EIF4E3: variants seen among roughly 807,000 people sequenced by gnomAD.
The protein encoded by EIF4E3 is eukaryotic translation initiation factor 4E family member 3.
Under a neutral mutation model 31.7 loss-of-function variants are expected in EIF4E3, and 26 were observed. The ratio of observed to expected loss-of-function variants is 0.82; its 90% CI spans 0.60 to 1.14. The LOEUF (loss-of-function observed/expected upper bound fraction) is 1.14, where lower values mean the gene tolerates loss of function less well. Ranked by LOEUF, EIF4E3 falls within the 50% of genes most tolerant of loss-of-function variation. EIF4E3 has a pLI of 0.00. For synonymous variants in EIF4E3, 128 were observed against 107.7 expected (o/e 1.19, Z -1.17); for missense variants, 304 against 270.9 (o/e 1.12, Z -0.86).
intron 1 of EIF4E3, among the ~76,000 whole-genome samples, chr3:71,720,962 A>G (rs1242339549): frequency 6.6e-6 from 1 of 152,222 alleles, no homozygotes; most frequent in Non-Finnish European, 1.5e-5. Flanking sequence ...GATCAAATGG[A>G]AATTCCAATT....
Position 71,697,104 on chromosome 3 carries a change from C to T in EIF4E3, c.345-584G>A, listed in dbSNP as rs573879571. On this transcript the variant is annotated intron_variant, in intron 3 of 6. Coordinates refer to ENST00000425534, the MANE Select transcript of EIF4E3 (RefSeq NM_001134651.2). ...GATCGTAGCTCACTGTAGCCTTGAACTCCTGGGCTCAAGCAATCCTCCGCC... is the reference window on the plus strand; with the variant it reads ...GATCGTAGCTCACTGTAGCCTTGAATTCCTGGGCTCAAGCAATCCTCCGCC... Among the ~76,000 whole-genome samples the T allele has an allele frequency of 3.9e-5, 6 of 152,232 alleles. No homozygotes were observed. The East Asian group carries it at 1.2e-3, about 29-fold the overall frequency.
At chr3:71,731,766 T>G (rs1298855561) in intron 1 of EIF4E3, among the ~76,000 whole-genome samples, 3 of 152,228 alleles carry the variant, frequency 2.0e-5, no homozygotes, top group East Asian at 3.8e-4. Context: ...ATTACTTCTT[T>G]GTTCAAAAGC....
Position 71,696,502 on chromosome 3 carries a change from T to C in EIF4E3, c.363A>G (p.Ala121=). The C allele has an allele frequency of 6.2e-7, 1 of 1,614,172 alleles. No individual in the cohort carries two copies. Among genetic ancestry groups the C allele is most frequent in the Non-Finnish European group, 8.5e-7 (1 of 1,180,028 alleles). ...CTTTCATCTTCCATACGCCACCCTTTGCATTACTCTCCTCTTCCCTGGGCC... is the reference window on the plus strand; with the variant it reads ...CTTTCATCTTCCATACGCCACCCTTCGCATTACTCTCCTCTTCCCTGGGCC... The part of the protein sequence containing the change: ...RRPLWEEESN[A]KGGVWKMKVP... Residue 121 remains alanine, a synonymous_variant, in exon 4 of 7, where the codon GCA becomes GCG. Transcript: ENST00000425534.
chr3:71,729,384 G>C (rs1016958228), upstream of EIF4E3, among the ~76,000 whole-genome samples: 14 of 152,164 alleles, frequency 9.2e-5, no homozygotes, highest in Admixed American at 3.9e-4. Context: ...TCAACACTTT[G>C]GGAAGGGAGC....
chr3:71,754,119 A>G (rs559796169), upstream of EIF4E3: 2 of 1,422,746 alleles, frequency 1.4e-6, no homozygotes, highest in African/African-American at 1.5e-5. The surrounding 1 kb of genome is among the most constrained non-coding windows in gnomAD (Gnocchi z 5.8). Flanking sequence ...CAAGCTGGCC[A>G]CGCTCAGCCT....
intron 3 of EIF4E3, among the ~76,000 whole-genome samples, chr3:71,698,325 T>C (rs943875020): frequency 5.3e-5 from 8 of 152,216 alleles, no homozygotes; most frequent in Admixed American, 2.0e-4. Flanking sequence ...GGACAACAAA[T>C]ACAGCTGCCA....
At chr3:71,664,221 C>T in the EIF4E3 span, among the ~76,000 whole-genome samples, 20 of 152,286 alleles carry the variant, frequency 1.3e-4, no homozygotes, top group South Asian at 3.9e-3. Context: ...TGACTACATA[C>T]AAAACTTAGG....
At chr3:71,660,909 C>T in the EIF4E3 span, among the ~76,000 whole-genome samples, 4 of 152,070 alleles carry the variant, frequency 2.6e-5, no homozygotes, top group South Asian at 6.2e-4. Flanking sequence ...AGGATGAGGG[C>T]CTGGGGCTCT....
chr3:71,684,618 C>T lies in EIF4E3; in HGVS notation c.*64G>A. 1.3e-6 allele frequency: 2 copies of T among 1,595,566 alleles called. No individual in the cohort carries two copies. The highest frequency in any genetic ancestry group is 1.7e-6 in the Non-Finnish European group (2 of 1,165,326). On this transcript the variant is annotated 3_prime_UTR_variant, in exon 7 of 7. Transcript: ENST00000425534. ...TTCGGCAAGTCTTCTCTTCACTCTC[C>T]CTCCTGTTAAGACCGTTTCCAAAAC...
At chr3:71,718,442 G>C (rs1222447407) in intron 1 of EIF4E3, among the ~76,000 whole-genome samples, 1 of 152,148 alleles carries the variant, frequency 6.6e-6, no homozygotes, top group Non-Finnish European at 1.5e-5. Flanking sequence ...GTCATTCCTA[G>C]TCTATCTTAC....
At chr3:71,733,827 A>G (rs1264357668) in intron 1 of EIF4E3, among the ~76,000 whole-genome samples, 1 of 152,232 alleles carries the variant, frequency 6.6e-6, no homozygotes, top group African/African-American at 2.4e-5. Flanking sequence ...TTGATGAACA[A>G]TTAGTAAAGG....
At chr3:71,705,280 C>T (rs2049276177) in intron 2 of EIF4E3, among the ~76,000 whole-genome samples, 1 of 152,318 alleles carries the variant, frequency 6.6e-6, no homozygotes, top group South Asian at 2.1e-4. Context: ...GCCCTCATTT[C>T]CCAAGGGTTT....
intron 1 of EIF4E3, among the ~76,000 whole-genome samples, chr3:71,752,942 G>A (rs999100912): frequency 2.6e-5 from 4 of 152,112 alleles, no homozygotes; most frequent in Non-Finnish European, 4.4e-5. Flanking sequence ...AGATATCCTG[G>A]GAGGAAGGTG....
rs112137465 is a variant in EIF4E3 at position 71,676,395 on chromosome 3, G to A, written c.*8287C>T. The A allele has an allele frequency of 6.6e-6, 1 of 152,252 alleles. No individual in the cohort carries two copies. Among genetic ancestry groups the A allele is most frequent in the African/African-American group, 2.4e-5 (1 of 41,542 alleles). 9.4% of individuals were successfully genotyped at this position (152,252 alleles called of 1,614,324 possible). A position where few individuals can be genotyped will look rare whatever the true frequency, so the allele number is the denominator to read the frequency against. ...CTATTTCTTGGCCTGCTGTTATAGAGTGTTCTCCTTGTAACAATTCAGTAA... is the reference window on the plus strand; with the variant it reads ...CTATTTCTTGGCCTGCTGTTATAGAATGTTCTCCTTGTAACAATTCAGTAA... On this transcript the variant is annotated 3_prime_UTR_variant, in exon 7 of 7. Coordinates refer to ENST00000425534, the MANE Select transcript of EIF4E3 (RefSeq NM_001134651.2).
At chr3:71,740,376 G>C (rs565812450) in intron 1 of EIF4E3, among the ~76,000 whole-genome samples, 1 of 152,256 alleles carries the variant, frequency 6.6e-6, no homozygotes, top group South Asian at 2.1e-4. Context: ...GGCAACAATA[G>C]ATTAAAACTA....
At chr3:71,754,055 G>A (rs2049970294), upstream of EIF4E3, 2 of 1,268,202 alleles carry the variant, frequency 1.6e-6, no homozygotes, top group South Asian at 1.7e-5. This position sits in a 1 kb window ranked among gnomAD's most constrained non-coding sequence, Gnocchi z 5.8. Context: ...CCGCGATGGC[G>A]AACGCGAGCG....
At chr3:71,689,854 T>A (rs553175855) in intron 6 of EIF4E3, among the ~76,000 whole-genome samples, 156 bp downstream of exon 6, 164 of 141,234 alleles carry the variant, frequency 1.2e-3, no homozygotes, top group South Asian at 1.6e-3. Flanking sequence ...TTGTTTTTTT[T>A]AAAAAAAAAA....
At chr3:71,714,380 T>G (rs1038832786) in intron 1 of EIF4E3, among the ~76,000 whole-genome samples, 2 of 152,214 alleles carry the variant, frequency 1.3e-5, no homozygotes, top group Non-Finnish European at 2.9e-5. Context: ...TCAGGCTTCA[T>G]AGAAACTCAG....
chr3:71,681,887 T>C lies in EIF4E3; in HGVS notation c.*2795A>G, dbSNP rs1482589224. The C allele has an allele frequency of 1.3e-5, 2 of 152,242 alleles. No individual in the cohort carries two copies. Among genetic ancestry groups the C allele is most frequent in the Admixed American group, 6.5e-5 (1 of 15,272 alleles). 9.4% of individuals were successfully genotyped at this position (152,242 alleles called of 1,614,324 possible). On this transcript the variant is annotated 3_prime_UTR_variant, in exon 7 of 7. Transcript: ENST00000425534. Reference sequence around the variant, plus strand: ...TTTAATTTAAAGTTTATTAGAGTTGTGGTTTCCTTTTCATGTTTTTGCTTC... The same window carrying C: ...TTTAATTTAAAGTTTATTAGAGTTGCGGTTTCCTTTTCATGTTTTTGCTTC...
Sources: allele counts gnomAD v4.1 joint callset (sites outside exome capture counted in the v4.1 genomes callset), GRCh38; gene constraint gnomAD v4.1.1; non-coding constraint Gnocchi (gnomAD v3.1); transcripts MANE v1.5; gene names NCBI Gene and HGNC (gene_info 2026-07-23, HGNC 2026-07-21).